Variants in PTPRD observed in about 807,000 individuals in gnomAD.
PTPRD encodes protein tyrosine phosphatase receptor type D, also known as receptor-type tyrosine-protein phosphatase delta.
In PTPRD, 34 loss-of-function variants were observed where a neutral mutation model predicts 214.5. The ratio of observed to expected loss-of-function variants is 0.16; its 90% CI spans 0.12 to 0.21. PTPRD has a LOEUF of 0.21. Among genes scored for constraint, PTPRD ranks in the 10% least tolerant of loss-of-function variants. The pLI is 1.00. For missense variants in PTPRD, 2,545 were observed against 2,398.7 expected, an observed-to-expected ratio of 1.06 and a Z score of -1.27; for synonymous variants, 1,128 against 845.7, an observed-to-expected ratio of 1.33 and a Z score of -5.79.
chr9:8,573,755 A>C (rs1001092472), intron 14 of PTPRD, among the ~76,000 whole-genome samples: 2 of 151,980 alleles, frequency 1.3e-5, no homozygotes, highest in Non-Finnish European at 2.9e-5. Context: ...AGGAGTATTT[A>C]TGGAACATTA....
At chr9:9,212,947 G>A (rs927604169) in intron 9 of PTPRD, among the ~76,000 whole-genome samples, 1 of 152,112 alleles carries the variant, frequency 6.6e-6, no homozygotes. Flanking sequence ...TATGGAATTA[G>A]CCTAGAGTTC....
chr9:9,143,768 G>A (rs2099864046), intron 10 of PTPRD, among the ~76,000 whole-genome samples: 1 of 152,210 alleles, frequency 6.6e-6, no homozygotes. Context: ...AGGAAGGCTT[G>A]AGACTGCCAG....
intron 11 of PTPRD, among the ~76,000 whole-genome samples, chr9:8,793,428 C>A (rs1206276605): frequency 1.3e-5 from 2 of 152,254 alleles, no homozygotes; most frequent in Non-Finnish European, 2.9e-5. Flanking sequence ...ATGACTGCAG[C>A]CCCATCTAAC....
intron 4 of PTPRD, among the ~76,000 whole-genome samples, chr9:10,024,804 C>T (rs1316597278): frequency 3.1e-5 from 4 of 129,066 alleles, no homozygotes; most frequent in African/African-American, 8.9e-5. Context: ...CAACAGGCCC[C>T]AGTGTGTGAT....
At chr9:9,137,132 T>A (rs1055009084) in intron 10 of PTPRD, among the ~76,000 whole-genome samples, 1 of 152,224 alleles carries the variant, frequency 6.6e-6, no homozygotes, top group African/African-American at 2.4e-5. Context: ...TCACTGTTTC[T>A]GGAATGCAGA....
At chr9:9,567,926 G>A (rs531778102) in intron 8 of PTPRD, among the ~76,000 whole-genome samples, 26 of 151,964 alleles carry the variant, frequency 1.7e-4, no homozygotes, top group African/African-American at 6.0e-4. Flanking sequence ...ATCTTTTATG[G>A]CATAAAAAGA....
intron 2 of PTPRD, among the ~76,000 whole-genome samples, chr9:10,538,165 G>A (rs1275364093): frequency 6.6e-6 from 1 of 151,704 alleles, no homozygotes; most frequent in Non-Finnish European, 1.5e-5. Context: ...AAATAAATGG[G>A]AGGATTTGTT....
intron 26 of PTPRD, among the ~76,000 whole-genome samples, chr9:8,493,858 T>C (rs1563806415): frequency 6.6e-6 from 1 of 152,190 alleles, no homozygotes; most frequent in East Asian, 1.9e-4. Context: ...CTCTTTGATA[T>C]ATTCCTTTAA....
chr9:9,781,176 T>TG (rs1263640939), intron 5 of PTPRD, among the ~76,000 whole-genome samples: 1 of 152,128 alleles, frequency 6.6e-6, no homozygotes, highest in Non-Finnish European at 1.5e-5. Context: ...ATGTAAGCTA[T>TG]GGAATTCAGT....
At chr9:9,761,358 T>C (rs903630252) in intron 6 of PTPRD, among the ~76,000 whole-genome samples, 1 of 152,148 alleles carries the variant, frequency 6.6e-6, no homozygotes, top group African/African-American at 2.4e-5. Flanking sequence ...CAGAGTAGTG[T>C]TGCCAGGAAG....
At chr9:9,180,861 C>A (rs949104985) in intron 10 of PTPRD, among the ~76,000 whole-genome samples, 5 of 152,074 alleles carry the variant, frequency 3.3e-5, no homozygotes, top group African/African-American at 9.7e-5. Context: ...TTGTACACAT[C>A]ATGTCTTAAA....
rs1364440208 is a variant in PTPRD at position 9,040,580 on chromosome 9, T to G, written c.-142-21845A>C. On this transcript the variant is annotated intron_variant, in intron 10 of 45. Coordinates refer to ENST00000381196, the MANE Select transcript of PTPRD (RefSeq NM_002839.4). ...TTCATAAATAACAGTTCCCGAAGAA[T>G]TTTTTTTTTCATAACTGGTTTTGTA... Among the ~76,000 whole-genome samples, 12 of 19,514 alleles carry G rather than the reference T, an allele frequency of 6.1e-4. No homozygotes were observed. The South Asian group carries it at 0.015, about 24-fold the overall frequency. The allele number at this position is 19,514 out of a possible 152,430, so 12.8% of individuals were successfully genotyped here. A position where few individuals can be genotyped will look rare whatever the true frequency, so the allele number is the denominator to read the frequency against.
intron 11 of PTPRD, among the ~76,000 whole-genome samples, chr9:8,748,535 A>AG (rs1555264122): frequency 1.6e-5 from 2 of 122,300 alleles, no homozygotes; most frequent in African/African-American, 3.1e-5. Context: ...AAAAAAAAAA[A>AG]AAAAAGAAAA....
chr9:8,408,312 A>G (rs1446347427), intron 35 of PTPRD, among the ~76,000 whole-genome samples: 3 of 151,996 alleles, frequency 2.0e-5, no homozygotes, highest in African/African-American at 7.3e-5. Context: ...TTCTTAATGG[A>G]CTCAATTCCT....
At chr9:8,596,245 A>G (rs1010678161) in intron 14 of PTPRD, among the ~76,000 whole-genome samples, 5 of 151,818 alleles carry the variant, frequency 3.3e-5, no homozygotes, top group African/African-American at 9.7e-5. Context: ...CACATAAAAT[A>G]TATGGATTTT....
chr9:9,528,025 G>A (rs970445629), intron 8 of PTPRD, among the ~76,000 whole-genome samples: 8 of 152,184 alleles, frequency 5.3e-5, no homozygotes, highest in Admixed American at 2.6e-4. Flanking sequence ...CCAAATAATT[G>A]CCTATAGGGC....
intron 11 of PTPRD, among the ~76,000 whole-genome samples, chr9:8,875,213 ATGG>A (rs1459711059): frequency 6.6e-6 from 1 of 152,172 alleles, no homozygotes; most frequent in Non-Finnish European, 1.5e-5. Context: ...GCTCTTTCTC[ATGG>A]TGATGAGAAA....
At chr9:9,389,399 A>G (rs2065028912) in intron 9 of PTPRD, among the ~76,000 whole-genome samples, 1 of 152,010 alleles carries the variant, frequency 6.6e-6, no homozygotes, top group African/African-American at 2.4e-5. Flanking sequence ...AATCCCAGCT[A>G]CTCGGGAGGC....
intron 10 of PTPRD, among the ~76,000 whole-genome samples, chr9:9,107,843 G>T (rs979050974): frequency 1.3e-5 from 2 of 152,134 alleles, no homozygotes; most frequent in Non-Finnish European, 2.9e-5. Context: ...CTCTCCTTCA[G>T]ACTACCATGC....
Sources: allele counts gnomAD v4.1 joint callset (sites outside exome capture counted in the v4.1 genomes callset), GRCh38; gene constraint gnomAD v4.1.1; transcripts MANE v1.5; gene names NCBI Gene and HGNC (gene_info 2026-07-23, HGNC 2026-07-21).